TGFB2: variants seen among roughly 807,000 people sequenced by gnomAD.
The protein encoded by TGFB2 is transforming growth factor beta-2 proprotein.
Under a neutral mutation model 42.7 loss-of-function variants are expected in TGFB2, and 13 were observed. The ratio of observed to expected loss-of-function variants is 0.30; its 90% CI spans 0.20 to 0.48. The LOEUF (loss-of-function observed/expected upper bound fraction) is 0.48, where lower values mean the gene tolerates loss of function less well. Ranked by LOEUF, TGFB2 falls within the 20% of genes least tolerant of loss-of-function variation. The pLI, the probability that TGFB2 is intolerant of heterozygous loss-of-function variation, is 0.99. For synonymous variants in TGFB2, 193 were observed against 193.6 expected (o/e 1.00, Z 0.03); for missense variants, 390 against 517.5 (o/e 0.75, Z 2.39).
intron 1 of TGFB2, among the ~76,000 whole-genome samples, chr1:218,402,506 GAA>G (rs1481555974): frequency 1.3e-5 from 2 of 152,124 alleles, no homozygotes; most frequent in African/African-American, 2.4e-5. Context: ...GCCATAAAAA[GAA>G]AAGAGTGTGG....
rs192971271 is a variant in TGFB2 at position 218,434,782 on chromosome 1, A to G, written c.754+334A>G. Among the ~76,000 whole-genome samples the G allele has an allele frequency of 2.6e-4, 40 of 152,314 alleles. 1 individual carries two copies. The highest frequency in any genetic ancestry group is 1.8e-3 in the Admixed American group (27 of 15,288). On this transcript the variant is annotated intron_variant, in intron 4 of 6. Coordinates refer to ENST00000366930, the MANE Select transcript of TGFB2 (RefSeq NM_003238.6). Reference sequence around the variant, plus strand: ...ATACTGATATTATAGAGAAAGATAGAATGTGTTTAAGAAAATTCATTGATA... The same window carrying G: ...ATACTGATATTATAGAGAAAGATAGGATGTGTTTAAGAAAATTCATTGATA...
intron 1 of TGFB2, among the ~76,000 whole-genome samples, chr1:218,389,973 A>C (rs578156806): frequency 6.6e-6 from 1 of 152,318 alleles, no homozygotes; most frequent in African/African-American, 2.4e-5. Flanking sequence ...GCTTTGTGTA[A>C]AATTCCCATC....
At chr1:218,396,098 G>C (rs957108747) in intron 1 of TGFB2, among the ~76,000 whole-genome samples, 1 of 152,164 alleles carries the variant, frequency 6.6e-6, no homozygotes, top group Non-Finnish European at 1.5e-5. Flanking sequence ...GCTAGTTCAT[G>C]ACGCTGAGTA....
At chr1:218,433,475 G>A (rs1246505097) in intron 2 of TGFB2, among the ~76,000 whole-genome samples, 1 of 152,158 alleles carries the variant, frequency 6.6e-6, no homozygotes, top group African/African-American at 2.4e-5. Context: ...GAGTCTGCAG[G>A]GGATGGAATA....
At position 218,405,670 on chromosome 1, in the gene TGFB2, A is replaced by T. The variant is rs1420319398; in HGVS notation, c.510+338A>T. Reference sequence around the variant, plus strand: ...AGACATGAGCCACCATACCTGGCTCATTTAGGTTGTTGTAATGGGCAATCA... The same window carrying T: ...AGACATGAGCCACCATACCTGGCTCTTTTAGGTTGTTGTAATGGGCAATCA... On this transcript the variant is annotated intron_variant, in intron 2 of 6. Transcript: ENST00000366930. 5 of 354,284 alleles carry T rather than the reference A, an allele frequency of 1.4e-5. No homozygotes were observed. The East Asian group carries it at 2.6e-4, about 18-fold the overall frequency. 21.9% of individuals were successfully genotyped at this position (354,284 alleles called of 1,614,324 possible).
intron 1 of TGFB2, among the ~76,000 whole-genome samples, chr1:218,370,746 A>T (rs564872052): frequency 6.6e-6 from 1 of 152,292 alleles, no homozygotes; most frequent in South Asian, 2.1e-4. Flanking sequence ...ACCAGGGCTT[A>T]GGGAGCAGCC....
chr1:218,398,761 T>C (rs912515810), intron 1 of TGFB2, among the ~76,000 whole-genome samples: 1 of 152,102 alleles, frequency 6.6e-6, no homozygotes, highest in African/African-American at 2.4e-5. Context: ...CTAATTTTTG[T>C]ATTTTTAGTA....
chr1:218,420,198 A>G (rs1447373113), intron 2 of TGFB2, among the ~76,000 whole-genome samples: 3 of 152,232 alleles, frequency 2.0e-5, no homozygotes, highest in African/African-American at 7.2e-5. Context: ...TAGGTAGGTC[A>G]TTGTCAAAAT....
At chr1:218,432,454 A>G (rs1270529257) in intron 2 of TGFB2, among the ~76,000 whole-genome samples, 2 of 152,164 alleles carry the variant, frequency 1.3e-5, no homozygotes, top group Non-Finnish European at 2.9e-5. Flanking sequence ...GTCTAATTGT[A>G]TGAATCTCCT....
intron 2 of TGFB2, among the ~76,000 whole-genome samples, chr1:218,430,807 A>G (rs557440011): frequency 2.7e-4 from 41 of 152,362 alleles, no homozygotes; most frequent in Middle Eastern, 3.4e-3. Flanking sequence ...TTTATATAGC[A>G]TCATTCATCC....
chr1:218,350,873 G>A (rs777980498), intron 1 of TGFB2, among the ~76,000 whole-genome samples: 9 of 152,208 alleles, frequency 5.9e-5, no homozygotes, highest in Admixed American at 3.9e-4. Flanking sequence ...AGCAGTTTGT[G>A]TTAACAAAGA....
rs967963846 is a variant in TGFB2, at chr1:218,351,588, G to A, written c.346+4541G>A. Among the ~76,000 whole-genome samples, 3 of 152,068 alleles carry A rather than the reference G, an allele frequency of 2.0e-5. No individual in the cohort carries two copies. The East Asian group carries it at 5.8e-4, about 29-fold the overall frequency. ...TATTTATAACGAAAGCAGTTGGGTCGTCTTTGTTGCCAAGTGAGGCCAGCC... is the reference window on the plus strand; with the variant it reads ...TATTTATAACGAAAGCAGTTGGGTCATCTTTGTTGCCAAGTGAGGCCAGCC... On this transcript the variant is annotated intron_variant, in intron 1 of 6. Coordinates refer to ENST00000366930, the MANE Select transcript of TGFB2 (RefSeq NM_003238.6).
Position 218,346,643 on chromosome 1 carries a change from T to G in TGFB2, c.-59T>G. The G allele has an allele frequency of 6.9e-7, 1 of 1,447,018 alleles. No homozygotes were observed. The highest frequency in any genetic ancestry group is 9.4e-7 in the Non-Finnish European group (1 of 1,064,054). The allele number at this position is 1,447,018 out of a possible 1,614,324, so 89.6% of individuals were successfully genotyped here. On this transcript the variant is annotated 5_prime_UTR_variant, in exon 1 of 7. Transcript: ENST00000366930. This position sits in a 1 kb window ranked among gnomAD's most constrained non-coding sequence, Gnocchi z 4.9. ...CCTTGATCTATACTTTGAGAATTGTTGATTTCTTTTTTTTATTCTGACTTT... is the reference window on the plus strand; with the variant it reads ...CCTTGATCTATACTTTGAGAATTGTGGATTTCTTTTTTTTATTCTGACTTT...
At position 218,441,185 on chromosome 1, in the gene TGFB2, C is replaced by T. The variant is rs1660138503; in HGVS notation, c.1087-19C>T. The T allele has an allele frequency of 1.3e-6, 2 of 1,594,364 alleles. No homozygotes were observed. The highest frequency in any genetic ancestry group is 3.8e-5 in the Admixed American group (2 of 53,180). On this transcript the variant is annotated intron_variant, in intron 6 of 6. Transcript: ENST00000366930. Reference sequence around the variant, plus strand: ...TCCGTCTTTCCCTATGTTGTCTCTCCTCTCCTGTGTCCTTTCAGGTCCTGA... The same window carrying T: ...TCCGTCTTTCCCTATGTTGTCTCTCTTCTCCTGTGTCCTTTCAGGTCCTGA...
chr1:218,439,668 C>G (rs560428122), intron 6 of TGFB2, among the ~76,000 whole-genome samples: 1 of 152,304 alleles, frequency 6.6e-6, no homozygotes, highest in African/African-American at 2.4e-5. Flanking sequence ...ATGCCTGTCC[C>G]TTTGTCTGAG....
chr1:218,396,233 A>T (rs947579972), intron 1 of TGFB2, among the ~76,000 whole-genome samples: 4 of 152,244 alleles, frequency 2.6e-5, no homozygotes, highest in Non-Finnish European at 4.4e-5. Context: ...TATGGAACCA[A>T]GTAACAAGCA....
At chr1:218,385,827 G>T (rs778471587) in intron 1 of TGFB2, among the ~76,000 whole-genome samples, 1 of 152,220 alleles carries the variant, frequency 6.6e-6, no homozygotes, top group Non-Finnish European at 1.5e-5. Context: ...ATAAGCCTCA[G>T]TGTCACAGGT....
chr1:218,377,246 T>A (rs1019150946), intron 1 of TGFB2, among the ~76,000 whole-genome samples: 2 of 152,184 alleles, frequency 1.3e-5, no homozygotes, highest in African/African-American at 4.8e-5. Context: ...ATTTCTTAAG[T>A]GCTTAGCCAC....
chr1:218,433,556 G>T (rs766832124), intron 2 of TGFB2, among the ~76,000 whole-genome samples: 2 of 152,128 alleles, frequency 1.3e-5, no homozygotes, highest in African/African-American at 2.4e-5. Flanking sequence ...AAAAGCTGAG[G>T]CATGACACAT....
Sources: allele counts gnomAD v4.1 joint callset (sites outside exome capture counted in the v4.1 genomes callset), GRCh38; gene constraint gnomAD v4.1.1; non-coding constraint Gnocchi (gnomAD v3.1); transcripts MANE v1.5; gene names NCBI Gene and HGNC (gene_info 2026-07-23, HGNC 2026-07-21).